The following LRRC4C variants were observed in gnomAD, a reference collection of about 807,000 sequenced individuals.
LRRC4C encodes the protein leucine rich repeat containing 4C, also known as leucine-rich repeat-containing protein 4C.
In LRRC4C, 5 loss-of-function variants were observed where a neutral mutation model predicts 33.6. That is an observed-to-expected ratio of 0.15 (90% CI 0.08 to 0.31). The LOEUF (loss-of-function observed/expected upper bound fraction) is 0.31. Among genes scored for constraint, LRRC4C ranks in the 10% least tolerant of loss-of-function variants. The pLI is 1.00. For synonymous variants in LRRC4C, 329 were observed against 302.0 expected (o/e 1.09, Z -0.93); for missense variants, 560 against 796.7 (o/e 0.70, Z 3.58).
intron 1 of LRRC4C, among the ~76,000 whole-genome samples, chr11:41,356,799 C>T (rs2137627120): frequency 6.6e-6 from 1 of 152,182 alleles, no homozygotes; most frequent in South Asian, 2.1e-4. Flanking sequence ...TTTAGCCAAG[C>T]TTACACCCAA....
At chr11:40,586,106 C>T (rs1399422779) in intron 3 of LRRC4C, among the ~76,000 whole-genome samples, 2 of 146,638 alleles carry the variant, frequency 1.4e-5, no homozygotes, top group Admixed American at 6.9e-5. Context: ...TAAAAGTGTT[C>T]CTATTTCTCC....
intron 5 of LRRC4C, among the ~76,000 whole-genome samples, chr11:40,171,505 C>T (rs1002067526): frequency 1.3e-5 from 2 of 152,042 alleles, no homozygotes; most frequent in Non-Finnish European, 2.9e-5. Context: ...GTGTTTGGCA[C>T]CCAATCAACA....
chr11:40,240,554 C>T (rs1420971592), intron 5 of LRRC4C, among the ~76,000 whole-genome samples: 1 of 152,142 alleles, frequency 6.6e-6, no homozygotes, highest in Non-Finnish European at 1.5e-5. Flanking sequence ...ACTAAACATG[C>T]ACACTCTTGA....
At position 40,591,557 on chromosome 11, in the gene LRRC4C, G is replaced by A. The variant is rs114314712; in HGVS notation, c.-270+56585C>T. 3.9e-3 allele frequency among the ~76,000 whole-genome samples: 588 copies of A among 152,292 alleles called. 5 individuals are homozygous for A. The highest frequency in any genetic ancestry group is 0.013 in the African/African-American group (560 of 41,556). On this transcript the variant is annotated intron_variant, in intron 3 of 6. Transcript: ENST00000528697. Reference sequence around the variant, plus strand: ...GACAACTTCTCAGGTGTGTTTTATTGTGTCCACTTTACAGAGAAGTAAACT... The same window carrying A: ...GACAACTTCTCAGGTGTGTTTTATTATGTCCACTTTACAGAGAAGTAAACT...
rs78872220 is a variant in LRRC4C, at chr11:40,579,300, T to C, written c.-270+68842A>G. 3.6e-3 allele frequency among the ~76,000 whole-genome samples: 543 copies of C among 149,754 alleles called. 2 individuals are homozygous for C. Among genetic ancestry groups the C allele is most frequent in the Non-Finnish European group, 6.0e-3 (404 of 67,732 alleles). Reference sequence around the variant, plus strand: ...GTGAGCTGAGCACTGCTTTCCGGTATGGGCAACAGAGTGAGACTCTGTTAA... The same window carrying C: ...GTGAGCTGAGCACTGCTTTCCGGTACGGGCAACAGAGTGAGACTCTGTTAA... On this transcript the variant is annotated intron_variant, in intron 3 of 6. Transcript: ENST00000528697.
intron 2 of LRRC4C, among the ~76,000 whole-genome samples, chr11:40,882,873 A>C (rs1955253164): frequency 6.6e-6 from 1 of 152,102 alleles, no homozygotes; most frequent in Non-Finnish European, 1.5e-5. Flanking sequence ...GCAAGCATGC[A>C]CTGTCTAATG....
chr11:40,179,806 T>C (rs1202664837), intron 5 of LRRC4C, among the ~76,000 whole-genome samples: 1 of 152,198 alleles, frequency 6.6e-6, no homozygotes, highest in East Asian at 1.9e-4. Context: ...ATGTTATAAT[T>C]AGATATAGGA....
At chr11:40,434,562 C>T (rs974916326) in intron 3 of LRRC4C, among the ~76,000 whole-genome samples, 1 of 152,202 alleles carries the variant, frequency 6.6e-6, no homozygotes, top group African/African-American at 2.4e-5. Context: ...CCGTGGGGAT[C>T]TTTGGAGCAA....
At chr11:40,403,719 C>T (rs1020044136) in intron 3 of LRRC4C, among the ~76,000 whole-genome samples, 33 of 152,080 alleles carry the variant, frequency 2.2e-4, no homozygotes, top group Non-Finnish European at 4.4e-5. Context: ...TTTGTTTATA[C>T]CACCAGAAAC....
At chr11:40,865,063 A>T (rs1954286992) in intron 2 of LRRC4C, among the ~76,000 whole-genome samples, 1 of 152,226 alleles carries the variant, frequency 6.6e-6, no homozygotes, top group Non-Finnish European at 1.5e-5. Flanking sequence ...TGCAATAAAC[A>T]TGAGAGTGCA....
intron 3 of LRRC4C, among the ~76,000 whole-genome samples, chr11:40,327,721 A>T: frequency 6.6e-6 from 1 of 152,016 alleles, no homozygotes; most frequent in East Asian, 1.9e-4. Context: ...CTGCTTGAAC[A>T]TTTTCAAAAT....
At chr11:40,944,933 C>T (rs1295284487) in intron 1 of LRRC4C, among the ~76,000 whole-genome samples, 1 of 152,054 alleles carries the variant, frequency 6.6e-6, no homozygotes, top group Non-Finnish European at 1.5e-5. Flanking sequence ...TATTCTCATG[C>T]CACTATGCAA....
At chr11:40,770,384 C>T (rs1949697298) in intron 2 of LRRC4C, among the ~76,000 whole-genome samples, 1 of 152,128 alleles carries the variant, frequency 6.6e-6, no homozygotes, top group Admixed American at 6.5e-5. Flanking sequence ...ATAGAATCAC[C>T]ACCCACAAGG....
chr11:41,192,237 A>C (rs1361607098), intron 1 of LRRC4C, among the ~76,000 whole-genome samples: 1 of 152,060 alleles, frequency 6.6e-6, no homozygotes, highest in African/African-American at 2.4e-5. Context: ...TCATGCTTGC[A>C]TGTAAGCCCC....
chr11:40,644,758 G>C (rs886736271), intron 3 of LRRC4C, among the ~76,000 whole-genome samples: 5 of 152,190 alleles, frequency 3.3e-5, no homozygotes, highest in Non-Finnish European at 7.3e-5. Context: ...GTTTAAGGGG[G>C]AAGTTAGAGA....
intron 3 of LRRC4C, among the ~76,000 whole-genome samples, chr11:40,492,546 C>T (rs965091359): frequency 1.3e-5 from 2 of 152,054 alleles, no homozygotes; most frequent in Admixed American, 6.6e-5. Context: ...TTTTAGTAAA[C>T]GACTCTTGTC....
In LRRC4C at chr11:41,425,967, T is replaced by C. The variant is rs80185249; in HGVS notation, c.-496+33464A>G. ...AGCCTTCAAATAATGCAGTCACATA[T>C]TGTAGAAAGCTCAGTGAATCAAAAA... On this transcript the variant is annotated intron_variant, in intron 1 of 6. Transcript: ENST00000528697. Among the ~76,000 whole-genome samples the C allele has an allele frequency of 1.1e-4, 16 of 152,240 alleles. No homozygotes were observed. In the East Asian group the frequency reaches 3.1e-3, roughly 30 times the overall value.
intron 2 of LRRC4C, among the ~76,000 whole-genome samples, chr11:40,820,231 T>C (rs1408686052): frequency 6.6e-6 from 1 of 152,044 alleles, no homozygotes; most frequent in Non-Finnish European, 1.5e-5. Flanking sequence ...GAAAGAAGTA[T>C]TATAAATATT....
At chr11:41,109,639 G>A (rs1386839795) in intron 1 of LRRC4C, among the ~76,000 whole-genome samples, 2 of 151,972 alleles carry the variant, frequency 1.3e-5, no homozygotes, top group Admixed American at 6.6e-5. Context: ...TATCTAAAAA[G>A]TGCGTAACGG....
Sources: allele counts gnomAD v4.1 joint callset (sites outside exome capture counted in the v4.1 genomes callset), GRCh38; gene constraint gnomAD v4.1.1; transcripts MANE v1.5; gene names NCBI Gene and HGNC (gene_info 2026-07-23, HGNC 2026-07-21).